SKP1: variants seen among roughly 807,000 people sequenced by gnomAD.
SKP1 encodes S-phase kinase associated protein 1.
SKP1 carries 1 observed loss-of-function variant against 21.5 expected under a neutral mutation model. The ratio of observed to expected loss-of-function variants is 0.05; its 90% CI spans 0.02 to 0.22. The LOEUF (loss-of-function observed/expected upper bound fraction) is 0.22, where lower values mean the gene tolerates loss of function less well. Among genes scored for constraint, SKP1 ranks in the 10% least tolerant of loss-of-function variants. SKP1 has a pLI of 1.00. For missense variants in SKP1, 70 were observed against 192.0 expected (o/e 0.36, Z 3.76); for synonymous variants, 59 against 59.3 (o/e 0.99, Z 0.03).
rs1580921960 is a variant in SKP1, at chr5:134,152,573, C to T, written c.*5160G>A. 1 of 152,186 alleles carries T rather than the reference C, an allele frequency of 6.6e-6. No individual in the cohort carries two copies. The highest frequency in any genetic ancestry group is 1.9e-4 in the East Asian group (1 of 5,202). The allele number at this position is 152,186 out of a possible 1,614,324, so 9.4% of individuals were successfully genotyped here. On this transcript the variant is annotated 3_prime_UTR_variant, in exon 6 of 6. Coordinates refer to ENST00000353411, the MANE Select transcript of SKP1 (RefSeq NM_170679.3). ...TTTTTTTTTGAAACGGAGTCTCGCT[C>T]TGTCGCCAGGCTGGACTGCAGTCAG...
chr5:134,162,702 A>C (rs1036213119), intron 3 of SKP1, among the ~76,000 whole-genome samples: 4 of 152,198 alleles, frequency 2.6e-5, no homozygotes, highest in African/African-American at 9.6e-5. Flanking sequence ...TTTTTAATGA[A>C]ATAAATAATA....
intron 2 of SKP1, among the ~76,000 whole-genome samples, chr5:134,171,451 T>A (rs1204925460): frequency 6.6e-6 from 1 of 152,182 alleles, no homozygotes; most frequent in African/African-American, 2.4e-5. Context: ...TAAACTCCCA[T>A]AACCCAATAT....
intron 1 of SKP1, chr5:134,174,773 T>C (rs1412642908): frequency 3.3e-5 from 5 of 150,936 alleles, no homozygotes; most frequent in African/African-American, 1.2e-4. Context: ...ACATAAAAAG[T>C]TAAGCATTTA....
intron 5 of SKP1, chr5:134,158,070 T>A: frequency 6.9e-7 from 1 of 1,440,618 alleles, no homozygotes; most frequent in Non-Finnish European, 9.2e-7. Flanking sequence ...AACAAAATCA[T>A]TCTGATCTAT....
chr5:134,171,497 C>T (rs1761439707), intron 2 of SKP1, among the ~76,000 whole-genome samples: 1 of 152,208 alleles, frequency 6.6e-6, no homozygotes, highest in Non-Finnish European at 1.5e-5. Flanking sequence ...CAGTCTAACT[C>T]TGGGGCCAAT....
intron 5 of SKP1, 91 bp downstream of exon 5, chr5:134,158,364 C>G (rs1761156993): frequency 6.2e-7 from 1 of 1,608,910 alleles, no homozygotes; most frequent in Non-Finnish European, 8.5e-7. Flanking sequence ...ATCAAGACTA[C>G]TTGATACAGT....
At chr5:134,173,664 G>A in intron 2 of SKP1, 2 of 540,696 alleles carry the variant, frequency 3.7e-6, no homozygotes, top group Admixed American at 4.8e-5. Context: ...ATTAACCATT[G>A]CCTAAGGCTT....
At chr5:134,158,121 C>T in intron 5 of SKP1, 1 of 1,384,470 alleles carries the variant, frequency 7.2e-7, no homozygotes, top group Non-Finnish European at 9.4e-7. Flanking sequence ...CTAAAGTACC[C>T]TAGTATATAC....
chr5:134,158,352 G>A (rs1401891842), intron 5 of SKP1, 103 bp downstream of exon 5: 5 of 1,600,842 alleles, frequency 3.1e-6, no homozygotes, highest in Non-Finnish European at 4.3e-6. Context: ...TATCCCTAAA[G>A]TATCAAGACT....
chr5:134,166,624 ATACT>A (rs895979438), intron 3 of SKP1, among the ~76,000 whole-genome samples: 4 of 151,422 alleles, frequency 2.6e-5, no homozygotes, highest in African/African-American at 7.3e-5. Context: ...GGAAAAAAAT[ATACT>A]TACTTGTTAA....
chr5:134,174,693 A>T (rs2300065), intron 1 of SKP1: 107,031 of 152,086 alleles, frequency 0.7, 39,991 homozygotes, highest in Non-Finnish European at 0.86. Flanking sequence ...ATAATAACCT[A>T]TTACTTGCTC....
Position 134,154,141 on chromosome 5 carries a change from G to T in SKP1, c.*3592C>A, listed in dbSNP as rs890300522. On this transcript the variant is annotated 3_prime_UTR_variant, in exon 6 of 6. Transcript: ENST00000353411. ...ACATGGCACTTCAAAAGAGTAACTT[G>T]CTTCTACAACTTAAGAATTATTAGG... 3 of 152,130 alleles carry T rather than the reference G, an allele frequency of 2.0e-5. No individual in the cohort carries two copies. The highest frequency in any genetic ancestry group is 6.5e-5 in the Admixed American group (1 of 15,272). 9.4% of individuals were successfully genotyped at this position (152,130 alleles called of 1,614,324 possible). A position where few individuals can be genotyped will look rare whatever the true frequency, so the allele number is the denominator to read the frequency against.
In SKP1 at chr5:134,153,057, G is replaced by C. The variant is rs1201846369; in HGVS notation, c.*4676C>G. ...TCTTGACTTCTTCCTAGCTTAAAAA[G>C]TTATAGACTGGTTTCAAATCCAGAT... On this transcript the variant is annotated 3_prime_UTR_variant, in exon 6 of 6. Coordinates refer to ENST00000353411, the MANE Select transcript of SKP1 (RefSeq NM_170679.3). 3 of 152,174 alleles carry C rather than the reference G, an allele frequency of 2.0e-5. No homozygotes were observed. Among genetic ancestry groups the C allele is most frequent in the Admixed American group, 2.0e-4 (3 of 15,282 alleles). The allele number at this position is 152,174 out of a possible 1,614,324, so 9.4% of individuals were successfully genotyped here. A position where few individuals can be genotyped will look rare whatever the true frequency, so the allele number is the denominator to read the frequency against.
rs115783424 is a variant in SKP1, at chr5:134,154,856, C to T, written c.*2877G>A. 587 of 152,282 alleles carry T rather than the reference C, an allele frequency of 3.9e-3. 6 individuals are homozygous for T. Among genetic ancestry groups the T allele is most frequent in the African/African-American group, 0.013 (544 of 41,552 alleles). 9.4% of individuals were successfully genotyped at this position (152,282 alleles called of 1,614,324 possible). ...GTAATTAGAGAAAGTCTTCATAATT[C>T]ATCAGTAACCACTCTCCAAACCAAG... On this transcript the variant is annotated 3_prime_UTR_variant, in exon 6 of 6. Transcript: ENST00000353411.
chr5:134,167,168 ACCT>A lies in SKP1; in HGVS notation c.170_171+1del. On this transcript the variant is annotated splice_donor_variant and coding_sequence_variant, in exon 3 of 6. Coordinates refer to ENST00000353411, the MANE Select transcript of SKP1 (RefSeq NM_170679.3). LOFTEE classifies it high-confidence loss of function. ...TAAACTTAAACTCTTTAAAGACCTT[ACCT>A]TTTTTAATATTGCTGCATTCACATT... 1 of 1,545,550 alleles carries A rather than the reference ACCT, an allele frequency of 6.5e-7. No individual in the cohort carries two copies. Among genetic ancestry groups the A allele is most frequent in the Non-Finnish European group, 8.9e-7 (1 of 1,118,168 alleles).
chr5:134,171,670 C>T (rs548938273), intron 2 of SKP1, among the ~76,000 whole-genome samples: 2 of 152,290 alleles, frequency 1.3e-5, no homozygotes, highest in African/African-American at 4.8e-5. Flanking sequence ...AACTAAAAAC[C>T]GTATTTTCAC....
At chr5:134,158,104 A>G in intron 5 of SKP1, 1 of 1,408,920 alleles carries the variant, frequency 7.1e-7, no homozygotes, top group South Asian at 1.3e-5. Flanking sequence ...CCCCTCATTA[A>G]GTTGCTCTAA....
chr5:134,171,322 C>CT (rs1489656465), intron 2 of SKP1, among the ~76,000 whole-genome samples: 1 of 152,192 alleles, frequency 6.6e-6, no homozygotes, highest in Non-Finnish European at 1.5e-5. Flanking sequence ...GGCAATCACT[C>CT]TAGTCACCTA....
At chr5:134,162,412 G>A (rs550724470) in intron 3 of SKP1, among the ~76,000 whole-genome samples, 29 of 152,150 alleles carry the variant, frequency 1.9e-4, no homozygotes, top group African/African-American at 5.8e-4. Context: ...TTTTGTTTTC[G>A]TTTTAATTTT....
Sources: gnomAD v4.1 joint callset for allele counts (sites outside exome capture counted in the v4.1 genomes callset) on GRCh38, gnomAD v4.1.1 for gene constraint, MANE v1.5 for transcripts, NCBI Gene and HGNC (gene_info 2026-07-23, HGNC 2026-07-21) for gene names.